The following NCBP3 variants were observed in gnomAD, a reference collection of about 807,000 sequenced individuals.
The protein encoded by NCBP3 is nuclear cap-binding protein subunit 3.
A neutral mutation model predicts 75.7 loss-of-function variants in NCBP3; 20 were observed. The observed-to-expected ratio is 0.26, with a 90% confidence interval of 0.19 to 0.38. NCBP3 has a LOEUF of 0.38. NCBP3 is among the 10% of genes least tolerant of loss of function. NCBP3 has a pLI of 1.00. For missense variants in NCBP3, 678 were observed against 796.9 expected (o/e 0.85, Z 1.80); for synonymous variants, 293 against 290.5 (o/e 1.01, Z -0.09).
chr17:3,841,594 TTCTC>T (rs1425655630), intron 2 of NCBP3, among the ~76,000 whole-genome samples: 2 of 149,424 alleles, frequency 1.3e-5, no homozygotes, highest in African/African-American at 4.9e-5. Flanking sequence ...AGATGACCAA[TTCTC>T]TCTCTTTTTT....
In NCBP3 at chr17:3,832,237, A is replaced by G. The variant is rs1490767654; in HGVS notation, c.356-2869T>C. On this transcript the variant is annotated intron_variant, in intron 3 of 12. Coordinates refer to ENST00000389005, the MANE Select transcript of NCBP3 (RefSeq NM_001114118.3). ...ATACCCCATTCTCCATGATGCGCTT[A>G]TTTCATGTCACATGCCTGTATCAAA... Among the ~76,000 whole-genome samples, 4 of 117,880 alleles carry G rather than the reference A, an allele frequency of 3.4e-5. 2 individuals are homozygous for G. The highest frequency in any genetic ancestry group is 8.2e-5 in the Non-Finnish European group (4 of 49,040). 77.3% of individuals were successfully genotyped at this position (117,880 alleles called of 152,430 possible). A position where few individuals can be genotyped will look rare whatever the true frequency, so the allele number is the denominator to read the frequency against.
Position 3,826,125 on chromosome 17 carries a change from T to C in NCBP3, c.572A>G (p.Asp191Gly). ...CTCAGCTGACTTGTCCTCACTGGCA[T>C]CCCTGCTTCTGATCTTATCCTGTGC... is the stretch of plus-strand genomic sequence containing the variant. ...LPAQDKIRSR[D>G]ASEDKSAEKR... Residue 191 changes from aspartate (D) to glycine (G), a missense_variant, in exon 5 of 13, where the codon GAT (aspartate) becomes GGT (glycine). Around this residue, in one of 7 missense-constraint regions of NCBP3, gnomAD observed 98 missense variants for 101.8 expected, o/e 0.96. Transcript: ENST00000389005. 1.3e-6 allele frequency: 2 copies of C among 1,551,672 alleles called. No individual in the cohort carries two copies. The highest frequency in any genetic ancestry group is 2.4e-5 in the East Asian group (1 of 40,912).
rs115648280 is a variant in NCBP3 at position 3,833,819 on chromosome 17, T to C, written c.356-4451A>G. 3.2e-3 allele frequency among the ~76,000 whole-genome samples: 485 copies of C among 152,320 alleles called. 1 individual carries two copies. The highest frequency in any genetic ancestry group is 0.011 in the African/African-American group (468 of 41,564). Reference sequence around the variant, plus strand: ...ATTTTTTGGTCTTTGTTTTCTATGCTAGTCTCATTTAAAATTAAATTTTTT... The same window carrying C: ...ATTTTTTGGTCTTTGTTTTCTATGCCAGTCTCATTTAAAATTAAATTTTTT... On this transcript the variant is annotated intron_variant, in intron 3 of 12. Transcript: ENST00000389005.
rs2891 is a variant in NCBP3 at position 3,802,232 on chromosome 17, C to G, written c.*10812G>C. 1 of 151,946 alleles carries G rather than the reference C, an allele frequency of 6.6e-6. No individual in the cohort carries two copies. Among genetic ancestry groups the G allele is most frequent in the Non-Finnish European group, 1.5e-5 (1 of 67,974 alleles). The allele number at this position is 151,946 out of a possible 1,614,324, so 9.4% of individuals were successfully genotyped here. A position where few individuals can be genotyped will look rare whatever the true frequency, so the allele number is the denominator to read the frequency against. Reference sequence around the variant, plus strand: ...CAGGACATTCCAAGGCTCTCTAACACGAGTGTCTGCAGCCCCATTCGCTTT... The same window carrying G: ...CAGGACATTCCAAGGCTCTCTAACAGGAGTGTCTGCAGCCCCATTCGCTTT... On this transcript the variant is annotated 3_prime_UTR_variant, in exon 13 of 13. Coordinates refer to ENST00000389005, the MANE Select transcript of NCBP3 (RefSeq NM_001114118.3).
intron 7 of NCBP3, chr17:3,824,205 T>G (rs2053726784): frequency 6.6e-6 from 1 of 152,164 alleles, no homozygotes; most frequent in Non-Finnish European, 1.5e-5. Flanking sequence ...TTTTGTTAAG[T>G]GTGCTATGTA....
intron 2 of NCBP3, among the ~76,000 whole-genome samples, chr17:3,842,299 C>T (rs1273100970): frequency 6.6e-6 from 1 of 152,100 alleles, no homozygotes; most frequent in East Asian, 1.9e-4. Flanking sequence ...GTGGCGGGCG[C>T]CTGTAGTCCT....
rs1259056515 is a variant in NCBP3, at chr17:3,808,751, G to A, written c.*4293C>T. On this transcript the variant is annotated 3_prime_UTR_variant, in exon 13 of 13. Transcript: ENST00000389005. ...ATTTATGTATGTATGTATTTTTTGA[G>A]ACAGGTCTTGCTCTGCTGCCCAGGC... is the stretch of plus-strand genomic sequence containing the variant. The A allele has an allele frequency of 6.6e-6, 1 of 152,202 alleles. No homozygotes were observed. The allele number at this position is 152,202 out of a possible 1,614,324, so 9.4% of individuals were successfully genotyped here.
chr17:3,842,065 T>C (rs4790544), intron 2 of NCBP3, among the ~76,000 whole-genome samples: 60,647 of 151,874 alleles, frequency 0.4, 13,782 homozygotes, highest in East Asian at 0.6. Flanking sequence ...CTTGACTCTA[T>C]GAGGTGTTAC....
chr17:3,812,905 C>A lies in NCBP3; in HGVS notation c.*139G>T, dbSNP rs1465238482. The A allele has an allele frequency of 6.1e-6, 9 of 1,469,062 alleles. No individual in the cohort carries two copies. Among genetic ancestry groups the A allele is most frequent in the Admixed American group, 2.7e-5 (1 of 36,840 alleles). The allele number at this position is 1,469,062 out of a possible 1,614,324, so 91.0% of individuals were successfully genotyped here. ...TGTGTCACATTCTTAAGATGTCTTG[C>A]CGAAGTAGCAAGAGCGGAGGGTGAC... On this transcript the variant is annotated 3_prime_UTR_variant, in exon 13 of 13. Coordinates refer to ENST00000389005, the MANE Select transcript of NCBP3 (RefSeq NM_001114118.3).
chr17:3,815,312 TGG>T (rs2053509404), intron 11 of NCBP3, among the ~76,000 whole-genome samples: 2 of 152,230 alleles, frequency 1.3e-5, no homozygotes, highest in African/African-American at 4.8e-5. Context: ...CTCCAAGGCC[TGG>T]CTCTAATGCT....
Position 3,818,096 on chromosome 17 carries a change from C to T in NCBP3, c.1310+167G>A, listed in dbSNP as rs1482370680. Among the ~76,000 whole-genome samples, 1 of 151,982 alleles carries T rather than the reference C, an allele frequency of 6.6e-6. No individual in the cohort carries two copies. The highest frequency in any genetic ancestry group is 1.9e-4 in the East Asian group (1 of 5,200). ...TCTATGTTGTCTTTTGTTTTTATAACAAGAATCACTGCTTGTATAGAGGAA... is the reference window on the plus strand; with the variant it reads ...TCTATGTTGTCTTTTGTTTTTATAATAAGAATCACTGCTTGTATAGAGGAA... On this transcript the variant is annotated intron_variant, in intron 10 of 12. Coordinates refer to ENST00000389005, the MANE Select transcript of NCBP3 (RefSeq NM_001114118.3). The surrounding 1 kb of genome is among the most constrained non-coding windows in gnomAD (Gnocchi z 4.7).
At chr17:3,819,421 A>C (rs7217962) in intron 9 of NCBP3, among the ~76,000 whole-genome samples, 6,842 of 152,070 alleles carry the variant, frequency 0.045, 224 homozygotes, top group Admixed American at 0.092. Flanking sequence ...TTAGCCGGGC[A>C]TGGTGGTGTG....
intron 3 of NCBP3, among the ~76,000 whole-genome samples, chr17:3,838,070 A>G (rs1222409464): frequency 6.6e-6 from 1 of 152,200 alleles, no homozygotes; most frequent in African/African-American, 2.4e-5. Context: ...AGACAAGGAG[A>G]CTGAAACTAA....
At chr17:3,826,768 C>T (rs116318037) in intron 4 of NCBP3, among the ~76,000 whole-genome samples, 7,231 of 150,644 alleles carry the variant, frequency 0.048, 260 homozygotes, top group Admixed American at 0.094. Flanking sequence ...AGAGAAAGCA[C>T]TTTGGGAGGC....
rs2053307223 is a variant in NCBP3, at chr17:3,803,898, AC to A, written c.*9145del. 1 of 151,884 alleles carries A rather than the reference AC, an allele frequency of 6.6e-6. No individual in the cohort carries two copies. The highest frequency in any genetic ancestry group is 2.4e-5 in the African/African-American group (1 of 41,304). The allele number at this position is 151,884 out of a possible 1,614,324, so 9.4% of individuals were successfully genotyped here. ...AGACCATCCTGGCTAACACGGTGAA[AC>A]CCGGTCTCTACTAAAAATACAAAAA... On this transcript the variant is annotated 3_prime_UTR_variant, in exon 13 of 13. Coordinates refer to ENST00000389005, the MANE Select transcript of NCBP3 (RefSeq NM_001114118.3).
At chr17:3,844,312 G>GT (rs1264012677) in intron 1 of NCBP3, among the ~76,000 whole-genome samples, 1 of 152,128 alleles carries the variant, frequency 6.6e-6, no homozygotes, top group African/African-American at 2.4e-5. Flanking sequence ...TTCCTCTGTG[G>GT]TATCTACCTG....
In NCBP3 at chr17:3,814,456, G is replaced by A. The variant is rs1487057723; in HGVS notation, c.1493C>T (p.Pro498Leu). The change falls in exon 12 of 13, where the codon CCA becomes CTA. Residue 498 changes from proline (P) to leucine (L), a missense_variant. By Grantham distance (98) the Pro-to-Leu change is moderately conservative. Around this residue, in one of 7 missense-constraint regions of NCBP3, gnomAD observed 365 missense variants for 392.7 expected, o/e 0.93. Transcript: ENST00000389005. ...SDIRQRLGKR[P>L]HSPEKAFSSN... Reference sequence around the variant, plus strand: ...ACTAAAAGCCTTTTCCGGAGAATGTGGTCTTTTTCCTAACCGCTGGCGTAT... The same window carrying A: ...ACTAAAAGCCTTTTCCGGAGAATGTAGTCTTTTTCCTAACCGCTGGCGTAT... 1.2e-6 allele frequency: 2 copies of A among 1,614,060 alleles called. No individual in the cohort carries two copies. The highest frequency in any genetic ancestry group is 2.2e-5 in the East Asian group (1 of 44,902).
intron 9 of NCBP3, among the ~76,000 whole-genome samples, chr17:3,819,964 T>G (rs1265310181): frequency 2.0e-5 from 3 of 152,192 alleles, no homozygotes; most frequent in Non-Finnish European, 4.4e-5. Flanking sequence ...ATTATTATTA[T>G]TATTTTGAGA....
At chr17:3,832,830 T>C (rs2053908359) in intron 3 of NCBP3, among the ~76,000 whole-genome samples, 2 of 152,226 alleles carry the variant, frequency 1.3e-5, no homozygotes, top group South Asian at 4.1e-4. Context: ...TTTAAACACA[T>C]AATAATTTTA....
Sources: gnomAD v4.1 joint callset for allele counts (sites outside exome capture counted in the v4.1 genomes callset) on GRCh38, gnomAD v4.1.1 for gene constraint, gnomAD v4.1.1 regional missense constraint, Gnocchi (gnomAD v3.1) non-coding constraint, MANE v1.5 for transcripts, NCBI Gene and HGNC (gene_info 2026-07-23, HGNC 2026-07-21) for gene names.